Variants in MBD1 observed in about 807,000 individuals in gnomAD.
The protein encoded by MBD1 is methyl-CpG-binding domain protein 1.
In MBD1, 25 loss-of-function variants were observed where a neutral mutation model predicts 82.6. The ratio of observed to expected loss-of-function variants is 0.30; its 90% CI spans 0.22 to 0.42. The LOEUF (loss-of-function observed/expected upper bound fraction) is 0.42. MBD1 is among the 10% of genes least tolerant of loss of function. The probability of loss-of-function intolerance (pLI) is 1.00; values close to 1 mark genes in which losing one functional copy is unlikely to be tolerated. For missense variants in MBD1, 627 were observed against 819.6 expected, an observed-to-expected ratio of 0.76 and a Z score of 2.87; for synonymous variants, 301 against 303.7, an observed-to-expected ratio of 0.99 and a Z score of 0.09.
At chr18:50,281,666 G>A (rs946731646), upstream of MBD1, 6 of 433,974 alleles carry the variant, frequency 1.4e-5, no homozygotes, top group African/African-American at 1.2e-4. Flanking sequence ...GCGCCCCCCT[G>A]CCGAGAGCCA....
chr18:50,279,663 T>C (rs1165651289), intron 2 of MBD1: 4 of 581,784 alleles, frequency 6.9e-6, no homozygotes, highest in Non-Finnish European at 1.2e-5. Flanking sequence ...TTCACTGCTC[T>C]GTACGTATTC....
At chr18:50,274,560 G>T (rs955629011) in intron 10 of MBD1, among the ~76,000 whole-genome samples, 1 of 152,112 alleles carries the variant, frequency 6.6e-6, no homozygotes, top group Non-Finnish European at 1.5e-5. Context: ...GCTGGCCCTC[G>T]ATACCATTAG....
At position 50,277,040 on chromosome 18, in the gene MBD1, T is replaced by G. The variant is rs114956479; in HGVS notation, c.226-42A>C. 137 of 1,613,810 alleles carry G rather than the reference T, an allele frequency of 8.5e-5. No homozygotes were observed. The African/African-American group carries it at 1.6e-3, about 18-fold the overall frequency. On this transcript the variant is annotated intron_variant, in intron 3 of 16. Transcript: ENST00000269468. The stretch of plus-strand genomic sequence containing the variant: ...GGAGGAATATGGGTCAGTGGTTGGG[T>G]GTTGGGTGGCACATCCACCCCTACC...
intron 2 of MBD1, 131 bp from the exon 3 acceptor site, chr18:50,277,335 C>A (rs2038346221): frequency 9.9e-6 from 7 of 706,406 alleles, no homozygotes; most frequent in South Asian, 9.2e-5. Flanking sequence ...CCAGCCCCCA[C>A]CTCAACTAAC....
In MBD1 at chr18:50,269,138, C is replaced by T. The variant is rs1202516161; in HGVS notation, c.*713G>A. 1 of 1,035,910 alleles carries T rather than the reference C, an allele frequency of 9.7e-7. No individual in the cohort carries two copies. The highest frequency in any genetic ancestry group is 1.7e-5 in the African/African-American group (1 of 58,334). 64.2% of individuals were successfully genotyped at this position (1,035,910 alleles called of 1,614,324 possible). ...CCTACCACAGGCCAGGTTCTCAATA[C>T]TTGAATAAATGACACAAAAATAGCC... On this transcript the variant is annotated 3_prime_UTR_variant, in exon 17 of 17. Transcript: ENST00000269468.
rs755612358 is a variant in MBD1, at chr18:50,269,737, G to A, written c.*114C>T. 2 of 781,354 alleles carry A rather than the reference G, an allele frequency of 2.6e-6. No individual in the cohort carries two copies. Among genetic ancestry groups the A allele is most frequent in the Admixed American group, 3.4e-5 (2 of 59,018 alleles). The allele number at this position is 781,354 out of a possible 1,614,324, so 48.4% of individuals were successfully genotyped here. A position where few individuals can be genotyped will look rare whatever the true frequency, so the allele number is the denominator to read the frequency against. On this transcript the variant is annotated 3_prime_UTR_variant, in exon 17 of 17. Coordinates refer to ENST00000269468, the MANE Select transcript of MBD1 (RefSeq NM_015846.4). ...TTCCAGGCCATCCTCGTGGGTTCCAGCTCGTGCTCGTGGGCTCCACTGTGT... is the reference window on the plus strand; with the variant it reads ...TTCCAGGCCATCCTCGTGGGTTCCAACTCGTGCTCGTGGGCTCCACTGTGT...
chr18:50,277,470 A>T (rs2038422218), intron 2 of MBD1, among the ~76,000 whole-genome samples: 1 of 152,082 alleles, frequency 6.6e-6, no homozygotes, highest in Non-Finnish European at 1.5e-5. Context: ...TATTTCATGT[A>T]AGTAAAAATA....
At chr18:50,279,154 T>G (rs530291820) in intron 2 of MBD1, among the ~76,000 whole-genome samples, 2 of 152,354 alleles carry the variant, frequency 1.3e-5, no homozygotes, top group East Asian at 3.9e-4. Context: ...AACCTTAATA[T>G]TTTCCTAACC....
intron 6 of MBD1, 170 bp from the exon 7 acceptor site, chr18:50,276,151 G>A (rs2037794298): frequency 6.8e-6 from 6 of 883,176 alleles, no homozygotes; most frequent in Non-Finnish European, 9.0e-6. Flanking sequence ...CCATTAGTAT[G>A]TCTACTGGTC....
In MBD1 at chr18:50,271,495, T is replaced by A. The variant is rs1027211225; in HGVS notation, c.*6A>T. On this transcript the variant is annotated 3_prime_UTR_variant, in exon 16 of 17. Transcript: ENST00000269468. Reference sequence around the variant, plus strand: ...TTGAATCCTACAGTCTGTAGAAGCCTCCAGTCTACTGCTTTCTAGCTCCAG... The same window carrying A: ...TTGAATCCTACAGTCTGTAGAAGCCACCAGTCTACTGCTTTCTAGCTCCAG... 1.2e-6 allele frequency: 2 copies of A among 1,614,142 alleles called. No individual in the cohort carries two copies. The highest frequency in any genetic ancestry group is 8.5e-7 in the Non-Finnish European group (1 of 1,179,994).
intron 11 of MBD1, 123 bp from the exon 12 acceptor site, chr18:50,273,986 C>T: frequency 7.3e-7 from 1 of 1,365,478 alleles, no homozygotes; most frequent in Non-Finnish European, 1.0e-6. Flanking sequence ...TACATATGAG[C>T]CCTTCATCAC....
In MBD1 at chr18:50,280,001, C is replaced by G; in HGVS notation, c.-9G>C. 6.2e-7 allele frequency: 1 copy of G among 1,605,748 alleles called. No homozygotes were observed. Among genetic ancestry groups the G allele is most frequent in the Non-Finnish European group, 8.5e-7 (1 of 1,179,616 alleles). On this transcript the variant is annotated 5_prime_UTR_variant, in exon 2 of 17. Coordinates refer to ENST00000269468, the MANE Select transcript of MBD1 (RefSeq NM_015846.4). ...AGCCAGTCCTCAGCCATGGAGGCCA[C>G]AGGAAGCAGCAGTAGCCTGAAAGGG...
chr18:50,275,502 A>C, intron 8 of MBD1, 98 bp downstream of exon 8: 1 of 1,605,304 alleles, frequency 6.2e-7, no homozygotes, highest in South Asian at 1.1e-5. Context: ...TTAGGCAGAA[A>C]AGAAAGACAT....
intron 2 of MBD1, 110 bp from the exon 3 acceptor site, chr18:50,277,314 G>A (rs908393126): frequency 4.0e-6 from 3 of 756,346 alleles, no homozygotes; most frequent in Non-Finnish European, 6.4e-6. Flanking sequence ...GAATTGGCTT[G>A]TGAGCCCTGC....
chr18:50,269,988 C>T (rs1265369578), intron 16 of MBD1, 170 bp from the exon 17 acceptor site: 2 of 1,591,800 alleles, frequency 1.3e-6, no homozygotes, highest in South Asian at 2.2e-5. Context: ...CATAAATGGT[C>T]AGCAGAAGCT....
At chr18:50,273,301 C>A in intron 13 of MBD1, 33 bp downstream of exon 13, 4 of 1,612,990 alleles carry the variant, frequency 2.5e-6, no homozygotes, top group African/African-American at 1.3e-5. Flanking sequence ...CACTCCGCTA[C>A]GGCACCAACA....
chr18:50,275,006 TG>T lies in MBD1; in HGVS notation c.948del (p.Phe316LeufsTer6). 2.5e-6 allele frequency: 4 copies of T among 1,614,204 alleles called. No homozygotes were observed. Among genetic ancestry groups the T allele is most frequent in the Non-Finnish European group, 3.4e-6 (4 of 1,180,038 alleles). On this transcript the variant is annotated frameshift_variant, in exon 10 of 17. Coordinates refer to ENST00000269468, the MANE Select transcript of MBD1 (RefSeq NM_015846.4). LOFTEE classifies it high-confidence loss of function. ...TCGTCCTCGTCTACACAGTAATAGA[TG>T]AACTCGGCAGGTGGCGAGGGGGCCA... ...RALAPSPPAE[F>X]IYYCVDEDEL...
intron 16 of MBD1, chr18:50,270,778 A>G (rs2035184356): frequency 5.6e-6 from 1 of 178,622 alleles, no homozygotes; most frequent in Non-Finnish European, 1.2e-5. Flanking sequence ...GATTTATTAT[A>G]GTAATTATAG....
In MBD1 at chr18:50,274,300, G is replaced by A; in HGVS notation, c.1032C>T (p.Cys344=). 6.2e-7 allele frequency: 1 copy of A among 1,613,988 alleles called. No homozygotes were observed. Among genetic ancestry groups the A allele is most frequent in the Non-Finnish European group, 8.5e-7 (1 of 1,180,030 alleles). ...AGCGGCCACAGTCCATCCGCCGTAG[G>A]CAGGCTGCACAGGCCCCGCACTTGC... ...QNRKCGACAA[C]LRRMDCGRCD... Residue 344 remains cysteine (C), a synonymous_variant, in exon 11 of 17, where the codon TGC becomes TGT. Coordinates refer to ENST00000269468, the MANE Select transcript of MBD1 (RefSeq NM_015846.4).
Sources: allele counts gnomAD v4.1 joint callset (sites outside exome capture counted in the v4.1 genomes callset), GRCh38; gene constraint gnomAD v4.1.1; transcripts MANE v1.5; gene names NCBI Gene and HGNC (gene_info 2026-07-23, HGNC 2026-07-21).